The following RASGRF2 variants were observed in gnomAD, a reference collection of about 807,000 sequenced individuals.
The protein encoded by RASGRF2 is ras-specific guanine nucleotide-releasing factor 2.
Under a neutral mutation model 151.0 loss-of-function variants are expected in RASGRF2, and 76 were observed. The observed-to-expected ratio is 0.50, with a 90% CI of 0.42 to 0.61. The LOEUF (loss-of-function observed/expected upper bound fraction) is 0.61. Ranked by LOEUF, RASGRF2 falls within the 20% of genes least tolerant of loss-of-function variation. The pLI is 0.00. For synonymous variants in RASGRF2, 504 were observed against 566.5 expected (o/e 0.89, Z 1.57); for missense variants, 1,148 against 1,564.6 (o/e 0.73, Z 4.49).
chr5:81,113,525 CT>C lies in RASGRF2; in HGVS notation c.2088-12del. Reference sequence around the variant, plus strand: ...GGCTACAATCTCTTAGCCACTTTTGCTCTCATTTTTAGGTCATTGGAATTGT... The same window carrying C: ...GGCTACAATCTCTTAGCCACTTTTGCCTCATTTTTAGGTCATTGGAATTGT... On this transcript the variant is annotated splice_polypyrimidine_tract_variant and intron_variant, in intron 14 of 26. Coordinates refer to ENST00000265080, the MANE Select transcript of RASGRF2 (RefSeq NM_006909.3). 1.9e-6 allele frequency: 3 copies of C among 1,594,532 alleles called. No homozygotes were observed. Among genetic ancestry groups the C allele is most frequent in the Non-Finnish European group, 1.7e-6 (2 of 1,164,432 alleles).
chr5:81,176,260 C>G (rs983263315), intron 17 of RASGRF2, among the ~76,000 whole-genome samples: 1 of 152,180 alleles, frequency 6.6e-6, no homozygotes, highest in Non-Finnish European at 1.5e-5. Context: ...ATGGACTACA[C>G]TGCTAATTGG....
At chr5:81,190,952 T>C (rs556806516) in intron 18 of RASGRF2, among the ~76,000 whole-genome samples, 66 of 152,336 alleles carry the variant, frequency 4.3e-4, no homozygotes, top group Admixed American at 8.5e-4. Flanking sequence ...TTATCTCTGT[T>C]GTAAGAGTTT....
At chr5:81,206,401 G>A (rs1227148714) in intron 19 of RASGRF2, among the ~76,000 whole-genome samples, 1 of 152,136 alleles carries the variant, frequency 6.6e-6, no homozygotes, top group East Asian at 1.9e-4. Flanking sequence ...TTGAGAAAGG[G>A]GTGGCCCTGC....
chr5:81,109,975 T>C (rs1752951394), intron 13 of RASGRF2, among the ~76,000 whole-genome samples: 1 of 152,184 alleles, frequency 6.6e-6, no homozygotes, highest in South Asian at 2.1e-4. Context: ...ATGTATATAC[T>C]ACTATTTTTT....
chr5:81,171,117 T>C (rs1754647985), intron 17 of RASGRF2, among the ~76,000 whole-genome samples: 1 of 152,174 alleles, frequency 6.6e-6, no homozygotes, highest in Non-Finnish European at 1.5e-5. Context: ...TAATTTGGCT[T>C]CTTTGGAACA....
At chr5:81,058,406 G>A (rs1439820125) in intron 2 of RASGRF2, among the ~76,000 whole-genome samples, 3 of 152,186 alleles carry the variant, frequency 2.0e-5, no homozygotes, top group African/African-American at 7.2e-5. Flanking sequence ...ATAGTGAAGG[G>A]AAGCCCTGCA....
chr5:80,996,161 T>C (rs1748853088), intron 1 of RASGRF2, among the ~76,000 whole-genome samples: 1 of 152,162 alleles, frequency 6.6e-6, no homozygotes, highest in African/African-American at 2.4e-5. Context: ...ATGTTTATTC[T>C]TGATTTTACA....
chr5:81,152,336 G>T (rs1055489163), intron 17 of RASGRF2, among the ~76,000 whole-genome samples: 1 of 151,918 alleles, frequency 6.6e-6, no homozygotes, highest in African/African-American at 2.4e-5. Context: ...TAAAGATTAT[G>T]GGTACTCAAC....
At chr5:80,989,746 A>G (rs1748589068) in intron 1 of RASGRF2, among the ~76,000 whole-genome samples, 1 of 152,200 alleles carries the variant, frequency 6.6e-6, no homozygotes, top group Non-Finnish European at 1.5e-5. Context: ...GCTTCACTAT[A>G]TTCTTGGATT....
Position 81,123,047 on chromosome 5 carries a change from C to T in RASGRF2, c.2471-595C>T, listed in dbSNP as rs116993159. Among the ~76,000 whole-genome samples, 91 of 152,290 alleles carry T rather than the reference C, an allele frequency of 6.0e-4. No individual in the cohort carries two copies. The East Asian group carries it at 0.016, about 27-fold the overall frequency. The stretch of plus-strand genomic sequence containing the variant: ...TGTTCAATACCATAGCCACTAGCCA[C>T]ATGTGGCTGCTGAGCACTCAATGTA... On this transcript the variant is annotated intron_variant, in intron 15 of 26. Transcript: ENST00000265080.
In RASGRF2 at chr5:81,194,784, G is replaced by A. The variant is rs1038496006; in HGVS notation, c.2794-6546G>A. On this transcript the variant is annotated intron_variant, in intron 18 of 26. Coordinates refer to ENST00000265080, the MANE Select transcript of RASGRF2 (RefSeq NM_006909.3). ...TGGACGCCCTCCTCAAGCCTCTCTTGGTTTCTTTTGTTAATGTTTCTTTCA... is the reference window on the plus strand; with the variant it reads ...TGGACGCCCTCCTCAAGCCTCTCTTAGTTTCTTTTGTTAATGTTTCTTTCA... Among the ~76,000 whole-genome samples the A allele has an allele frequency of 2.0e-5, 3 of 152,272 alleles. No homozygotes were observed. The South Asian group carries it at 6.2e-4, about 32-fold the overall frequency.
In RASGRF2 at chr5:81,225,783, GC is replaced by G; in HGVS notation, c.*17del. 6.2e-7 allele frequency: 1 copy of G among 1,609,502 alleles called. No homozygotes were observed. The highest frequency in any genetic ancestry group is 8.5e-7 in the Non-Finnish European group (1 of 1,178,942). ...ACTCCCTGCTTGAAGATCTGGCCTT[GC>G]CCCTGAGTCCACGGGATGTTCATGG... On this transcript the variant is annotated 3_prime_UTR_variant, in exon 27 of 27. Coordinates refer to ENST00000265080, the MANE Select transcript of RASGRF2 (RefSeq NM_006909.3).
chr5:81,173,174 C>T (rs899610207), intron 17 of RASGRF2, among the ~76,000 whole-genome samples: 4 of 151,952 alleles, frequency 2.6e-5, no homozygotes, highest in South Asian at 2.1e-4. Context: ...GTTAGGAGTT[C>T]GCAACCACCC....
At chr5:81,167,576 C>T (rs182659441) in intron 17 of RASGRF2, among the ~76,000 whole-genome samples, 12 of 152,338 alleles carry the variant, frequency 7.9e-5, no homozygotes, top group African/African-American at 2.9e-4. Flanking sequence ...TGGTGTTCTC[C>T]TCGCTGGGCT....
chr5:81,031,976 C>T (rs1361724348), intron 1 of RASGRF2, among the ~76,000 whole-genome samples: 17 of 151,960 alleles, frequency 1.1e-4, no homozygotes, highest in African/African-American at 2.9e-4. Context: ...ATATCACCAC[C>T]GATCCCACAG....
chr5:81,201,561 T>C, intron 19 of RASGRF2, 119 bp downstream of exon 19: 2 of 1,117,350 alleles, frequency 1.8e-6, no homozygotes, highest in Non-Finnish European at 1.3e-6. Context: ...TTCTCAGCAG[T>C]AAAGTGTTAT....
chr5:80,969,694 G>T (rs192580105), intron 1 of RASGRF2, among the ~76,000 whole-genome samples: 28 of 150,656 alleles, frequency 1.9e-4, no homozygotes, highest in Non-Finnish European at 3.2e-4. Flanking sequence ...CTCGTGATCC[G>T]CCCGTCTCGG....
At chr5:80,996,940 C>T (rs1167668949) in intron 1 of RASGRF2, among the ~76,000 whole-genome samples, 1 of 151,958 alleles carries the variant, frequency 6.6e-6, no homozygotes, top group Non-Finnish European at 1.5e-5. Flanking sequence ...CCAGCAAAAA[C>T]ATGAAATTTA....
intron 19 of RASGRF2, among the ~76,000 whole-genome samples, chr5:81,202,923 G>A (rs959685261): frequency 6.6e-6 from 1 of 152,258 alleles, no homozygotes; most frequent in Non-Finnish European, 1.5e-5. Context: ...CCTGCTGACT[G>A]TTCGATTACA....
Sources: gnomAD v4.1 joint callset for allele counts (sites outside exome capture counted in the v4.1 genomes callset) on GRCh38, gnomAD v4.1.1 for gene constraint, MANE v1.5 for transcripts, NCBI Gene and HGNC (gene_info 2026-07-23, HGNC 2026-07-21) for gene names.